OPCML: variants seen among roughly 807,000 people sequenced by gnomAD.
OPCML encodes the protein opioid-binding protein/cell adhesion molecule.
OPCML carries 13 observed loss-of-function variants against 37.8 expected under a neutral mutation model. That is an observed-to-expected ratio of 0.34 (90% CI 0.22 to 0.55). The LOEUF (loss-of-function observed/expected upper bound fraction) is 0.55, where lower values mean the gene tolerates loss of function less well. OPCML is among the 20% of genes least tolerant of loss of function. The pLI, the probability that OPCML is intolerant of heterozygous loss-of-function variation, is 0.91. For missense variants in OPCML, 341 were observed against 435.6 expected, an observed-to-expected ratio of 0.78 and a Z score of 1.93; for synonymous variants, 176 against 168.8, an observed-to-expected ratio of 1.04 and a Z score of -0.33.
At position 133,250,403 on chromosome 11, in the gene OPCML, A is replaced by G. The variant is rs181269851; in HGVS notation, c.61+281861T>C. 8.8e-3 allele frequency among the ~76,000 whole-genome samples: 1,337 copies of G among 151,556 alleles called. 23 individuals carry two copies. The highest frequency in any genetic ancestry group is 0.031 in the African/African-American group (1,276 of 41,272). ...AAATGAGGAAGGAAGAAAGAAGGAA[A>G]GAAGAAGGAAGGAAGGAAGGAAAGA... is the stretch of plus-strand genomic sequence containing the variant. On this transcript the variant is annotated intron_variant, in intron 1 of 7. Transcript: ENST00000524381.
rs867228419 is a variant in OPCML at position 133,268,110 on chromosome 11, C to T, written c.61+264154G>A. ...TTTTTCCCTTTCTCTCTTTCCTAGC[C>T]CCAGTCAAGAATTTCTGGCAACCCC... On this transcript the variant is annotated intron_variant, in intron 1 of 7. Coordinates refer to ENST00000524381, the MANE Select transcript of OPCML (RefSeq NM_001012393.5). 3.6e-4 allele frequency among the ~76,000 whole-genome samples: 55 copies of T among 152,248 alleles called. No individual in the cohort carries two copies. The Middle Eastern group carries it at 0.014, about 38-fold the overall frequency.
intron 2 of OPCML, among the ~76,000 whole-genome samples, chr11:132,824,007 G>GCC (rs1390416095): frequency 6.6e-6 from 1 of 152,180 alleles, no homozygotes; most frequent in East Asian, 1.9e-4. Flanking sequence ...TTGCTGGAGT[G>GCC]CCGTAGGGTT....
rs1415424916 is a variant in OPCML, at chr11:133,141,042, CGACGACGAAGAA to C, written c.62-198044_62-198033del. On this transcript the variant is annotated intron_variant, in intron 1 of 7. Transcript: ENST00000524381. ...ACGACGACGACGACGACGACGACGA[CGACGACGAAGAA>C]GAAGAAGAAGAAGAAGAAGAAGAAG... Among the ~76,000 whole-genome samples the C allele has an allele frequency of 9.2e-4, 5 of 5,434 alleles. 2 individuals carry two copies. In the Admixed American group the frequency reaches 0.013, roughly 14 times the overall value. 3.6% of individuals were successfully genotyped at this position (5,434 alleles called of 152,430 possible).
rs71477764 is a variant in OPCML, at chr11:132,459,410, CACATACATACAT to C, written c.506-22063_506-22052del. Among the ~76,000 whole-genome samples the C allele has an allele frequency of 5.3e-3, 763 of 144,368 alleles. 4 individuals carry two copies. The highest frequency in any genetic ancestry group is 5.4e-3 in the African/African-American group (211 of 38,734). The allele number at this position is 144,368 out of a possible 152,430, so 94.7% of individuals were successfully genotyped here. On this transcript the variant is annotated intron_variant, in intron 4 of 7. Transcript: ENST00000524381. ...CTTTCTCTCTCTCTCTCTCTCTTCA[CACATACATACAT>C]ACATACATACATACATACATACATA...
intron 1 of OPCML, among the ~76,000 whole-genome samples, chr11:132,975,525 C>A (rs1352146014): frequency 2.6e-5 from 2 of 76,186 alleles, no homozygotes; most frequent in East Asian, 4.0e-4. Context: ...ATCCAGGTTT[C>A]AAGCAAAAAA....
At chr11:133,248,911 G>A (rs1478713729) in intron 1 of OPCML, among the ~76,000 whole-genome samples, 1 of 152,182 alleles carries the variant, frequency 6.6e-6, no homozygotes, top group Non-Finnish European at 1.5e-5. Context: ...TTGGAATTCA[G>A]GAGAAATCGT....
At chr11:133,110,105 A>G (rs1949227354) in intron 1 of OPCML, among the ~76,000 whole-genome samples, 1 of 152,212 alleles carries the variant, frequency 6.6e-6, no homozygotes, top group Non-Finnish European at 1.5e-5. Context: ...CTGTACCTAT[A>G]AAGCATATTT....
intron 4 of OPCML, among the ~76,000 whole-genome samples, chr11:132,473,888 G>A (rs1211893540): frequency 6.6e-6 from 1 of 152,110 alleles, no homozygotes; most frequent in African/African-American, 2.4e-5. Context: ...CAAAAGTCAT[G>A]GCACAGATGA....
In OPCML at chr11:133,474,368, C is replaced by T. The variant is rs370753089; in HGVS notation, c.61+57896G>A. On this transcript the variant is annotated intron_variant, in intron 1 of 7. Coordinates refer to ENST00000524381, the MANE Select transcript of OPCML (RefSeq NM_001012393.5). ...TTCTCATTTTTATCAGGTCTACCTA[C>T]TTCTAAAGTGAACAACTAGAATGCC... Among the ~76,000 whole-genome samples, 6 of 152,344 alleles carry T rather than the reference C, an allele frequency of 3.9e-5. 1 individual carries two copies. Among genetic ancestry groups the T allele is most frequent in the Admixed American group, 1.3e-4 (2 of 15,310 alleles).
chr11:132,558,990 TTTGA>T (rs1271127065), intron 3 of OPCML, among the ~76,000 whole-genome samples: 2 of 152,148 alleles, frequency 1.3e-5, no homozygotes, highest in African/African-American at 2.4e-5. Context: ...TTTTCAACTA[TTTGA>T]TTGGGAATTG....
intron 1 of OPCML, among the ~76,000 whole-genome samples, chr11:133,260,029 G>A (rs1941441483): frequency 6.6e-6 from 1 of 152,042 alleles, no homozygotes; most frequent in Non-Finnish European, 1.5e-5. Flanking sequence ...CCAAGAAAGG[G>A]AGATGGGGAG....
chr11:132,509,851 C>T (rs188050110), intron 4 of OPCML, among the ~76,000 whole-genome samples: 4 of 152,336 alleles, frequency 2.6e-5, no homozygotes, highest in Non-Finnish European at 4.4e-5. Context: ...GGAGCTCCCA[C>T]CTAGAGTCCC....
chr11:133,022,068 A>T (rs939358256), intron 1 of OPCML, among the ~76,000 whole-genome samples: 3 of 152,346 alleles, frequency 2.0e-5, no homozygotes, highest in South Asian at 4.1e-4. Context: ...GGGTGGGAAG[A>T]ATCTGGGTTT....
intron 1 of OPCML, among the ~76,000 whole-genome samples, chr11:133,518,336 G>T (rs982115048): frequency 4.7e-5 from 7 of 150,226 alleles, no homozygotes; most frequent in Admixed American, 6.6e-5. Flanking sequence ...TGTGTGTGTG[G>T]GTGTGTTTGT....
intron 2 of OPCML, among the ~76,000 whole-genome samples, chr11:132,840,814 C>T (rs1193738720): frequency 6.6e-6 from 1 of 151,962 alleles, no homozygotes; most frequent in Non-Finnish European, 1.5e-5. Context: ...GGAGAATGCT[C>T]GTTAGAAAAA....
intron 4 of OPCML, among the ~76,000 whole-genome samples, chr11:132,491,454 G>T (rs2096215377): frequency 6.6e-6 from 1 of 152,156 alleles, no homozygotes; most frequent in South Asian, 2.1e-4. Context: ...CCCTCGGCTG[G>T]ACAGCCTGCC....
chr11:133,048,862 A>G (rs1948073775), intron 1 of OPCML, among the ~76,000 whole-genome samples: 1 of 152,222 alleles, frequency 6.6e-6, no homozygotes, highest in Non-Finnish European at 1.5e-5. Context: ...CATAATGTGC[A>G]TTTTGACCAT....
chr11:133,019,666 C>T (rs893407793), intron 1 of OPCML, among the ~76,000 whole-genome samples: 6 of 152,196 alleles, frequency 3.9e-5, no homozygotes, highest in African/African-American at 1.4e-4. Flanking sequence ...CATCAACCCA[C>T]GGTGTTCCAT....
At chr11:133,052,323 G>T (rs926319911) in intron 1 of OPCML, among the ~76,000 whole-genome samples, 16 of 152,080 alleles carry the variant, frequency 1.1e-4, no homozygotes, top group African/African-American at 3.9e-4. Flanking sequence ...AATCATTTGA[G>T]GTCACTCCAT....
Sources: allele counts gnomAD v4.1 joint callset (sites outside exome capture counted in the v4.1 genomes callset), GRCh38; gene constraint gnomAD v4.1.1; transcripts MANE v1.5; gene names NCBI Gene and HGNC (gene_info 2026-07-23, HGNC 2026-07-21).